Variants in PDE4D observed in about 807,000 individuals in gnomAD.
PDE4D encodes the protein 3',5'-cyclic-AMP phosphodiesterase 4D.
Under a neutral mutation model 87.4 loss-of-function variants are expected in PDE4D, and 24 were observed. The ratio of observed to expected loss-of-function variants is 0.27; its 90% CI spans 0.20 to 0.39. The LOEUF (loss-of-function observed/expected upper bound fraction) is 0.39. Ranked by LOEUF, PDE4D falls within the 10% of genes least tolerant of loss-of-function variation. The pLI is 1.00. For missense variants in PDE4D, 714 were observed against 1,041.0 expected, an observed-to-expected ratio of 0.69 and a Z score of 4.32; for synonymous variants, 384 against 383.2, an observed-to-expected ratio of 1.00 and a Z score of -0.02.
intron 2 of PDE4D, among the ~76,000 whole-genome samples, chr5:60,106,369 T>A (rs917041214): frequency 2.0e-5 from 3 of 150,870 alleles, no homozygotes; most frequent in Non-Finnish European, 3.0e-5. Context: ...AAGTCCTGAG[T>A]GACCTACAAA....
chr5:59,636,724 C>A (rs1580053316), intron 1 of PDE4D, among the ~76,000 whole-genome samples: 2 of 152,134 alleles, frequency 1.3e-5, no homozygotes, highest in East Asian at 1.9e-4. Flanking sequence ...AAACTGGACC[C>A]CTTCCTTACA....
Position 59,729,627 on chromosome 5 carries a change from T to C in PDE4D, c.455+163541A>G, listed in dbSNP as rs549682234. On this transcript the variant is annotated intron_variant, in intron 1 of 14. Coordinates refer to ENST00000340635, the MANE Select transcript of PDE4D (RefSeq NM_001104631.2). ...ACCACTAATACAGTGACTTGAGTATTTTTTTTTCACTTAGTATATTTTAAC... is the reference window on the plus strand; with the variant it reads ...ACCACTAATACAGTGACTTGAGTATCTTTTTTTCACTTAGTATATTTTAAC... 1.7e-3 allele frequency among the ~76,000 whole-genome samples: 265 copies of C among 151,808 alleles called. 1 individual carries two copies. Among genetic ancestry groups the C allele is most frequent in the African/African-American group, 5.7e-3 (238 of 41,412 alleles).
chr5:59,407,163 T>A (rs894254690), intron 1 of PDE4D, among the ~76,000 whole-genome samples: 3 of 152,138 alleles, frequency 2.0e-5, no homozygotes, highest in African/African-American at 7.2e-5. Context: ...TGGGAGTGGT[T>A]CCCTTATAGC....
chr5:59,751,574 G>GGGGTGT (rs112024458), intron 1 of PDE4D, among the ~76,000 whole-genome samples: 1 of 142,630 alleles, frequency 7.0e-6, no homozygotes, highest in Non-Finnish European at 1.5e-5. Flanking sequence ...ATAAATCCCT[G>GGGGTGT]GTGTGTGTGT....
chr5:59,778,134 G>A (rs1006254619), intron 1 of PDE4D, among the ~76,000 whole-genome samples: 9 of 152,112 alleles, frequency 5.9e-5, no homozygotes, highest in East Asian at 3.8e-4. Context: ...TGTGTATCTG[G>A]GGATACAAGA....
intron 6 of PDE4D, among the ~76,000 whole-genome samples, chr5:59,021,462 C>G (rs192059126): frequency 3.9e-5 from 6 of 152,286 alleles, no homozygotes; most frequent in East Asian, 1.9e-4. Context: ...CACTGGGTTA[C>G]TTATATGGCA....
intron 1 of PDE4D, among the ~76,000 whole-genome samples, chr5:59,527,213 T>C (rs531863871): frequency 2.3e-4 from 35 of 152,180 alleles, no homozygotes; most frequent in Non-Finnish European, 1.6e-4. Context: ...TTTCTGAGTA[T>C]AAGCTTATAT....
intron 1 of PDE4D, among the ~76,000 whole-genome samples, chr5:60,309,752 A>T (rs1249672832): frequency 6.6e-6 from 1 of 152,208 alleles, no homozygotes; most frequent in East Asian, 1.9e-4. Context: ...ATGGCACAAC[A>T]TCAATGCCAT....
intron 5 of PDE4D, among the ~76,000 whole-genome samples, chr5:59,174,094 AT>A (rs1783445715): frequency 6.6e-6 from 1 of 152,248 alleles, no homozygotes; most frequent in South Asian, 2.1e-4. Context: ...TAACAAAAAA[AT>A]AATTGTCCCA....
At chr5:59,586,078 C>A (rs572885173) in intron 1 of PDE4D, among the ~76,000 whole-genome samples, 2 of 152,156 alleles carry the variant, frequency 1.3e-5, no homozygotes, top group Non-Finnish European at 2.9e-5. Flanking sequence ...TTTTTTTCTT[C>A]CTCCATGAAA....
At chr5:59,612,409 C>T (rs1380693062) in intron 1 of PDE4D, among the ~76,000 whole-genome samples, 1 of 151,870 alleles carries the variant, frequency 6.6e-6, no homozygotes, top group Non-Finnish European at 1.5e-5. Context: ...TTTATATAGC[C>T]TGCTTCTACC....
chr5:60,356,467 A>G (rs2149941330), intron 1 of PDE4D, among the ~76,000 whole-genome samples: 1 of 152,314 alleles, frequency 6.6e-6, no homozygotes, highest in Admixed American at 6.5e-5. Context: ...TCCAGATAGT[A>G]ATATTACTAT....
chr5:59,582,127 A>G (rs1583211965), intron 1 of PDE4D, among the ~76,000 whole-genome samples: 1 of 152,274 alleles, frequency 6.6e-6, no homozygotes, highest in East Asian at 1.9e-4. Flanking sequence ...AGAGGAAGAG[A>G]TGTTAAAGAA....
intron 1 of PDE4D, among the ~76,000 whole-genome samples, chr5:59,724,732 A>G (rs1227192542): frequency 6.6e-6 from 1 of 152,102 alleles, no homozygotes; most frequent in East Asian, 1.9e-4. Flanking sequence ...CATAGGGCAT[A>G]TAATGTCAGG....
At chr5:60,038,106 T>C (rs1768017087) in intron 2 of PDE4D, among the ~76,000 whole-genome samples, 2 of 152,220 alleles carry the variant, frequency 1.3e-5, no homozygotes, top group Admixed American at 6.5e-5. Flanking sequence ...TTTCTTTTGC[T>C]GTGCAGAAGC....
chr5:60,086,910 T>C (rs1050954226), intron 2 of PDE4D, among the ~76,000 whole-genome samples: 1 of 152,222 alleles, frequency 6.6e-6, no homozygotes, highest in East Asian at 1.9e-4. Flanking sequence ...GATGATGCCA[T>C]AGTGCTGCAA....
chr5:59,205,653 AACACACAC>A (rs35509503), intron 2 of PDE4D, among the ~76,000 whole-genome samples: 4,382 of 136,336 alleles, frequency 0.032, 107 homozygotes, highest in African/African-American at 0.066. Context: ...CCACTAGCTA[AACACACAC>A]ACACACACAC....
chr5:59,515,006 T>C (rs927122400), intron 1 of PDE4D, among the ~76,000 whole-genome samples: 1 of 152,214 alleles, frequency 6.6e-6, no homozygotes, highest in Non-Finnish European at 1.5e-5. Flanking sequence ...TATATGTGTA[T>C]GTATATTTGT....
At chr5:59,142,492 A>C (rs1778033609) in intron 5 of PDE4D, among the ~76,000 whole-genome samples, 2 of 152,226 alleles carry the variant, frequency 1.3e-5, no homozygotes, top group South Asian at 2.1e-4. Flanking sequence ...ATACAGTTTT[A>C]TTCTGGAAAA....
Sources: allele counts gnomAD v4.1 joint callset (sites outside exome capture counted in the v4.1 genomes callset), GRCh38; gene constraint gnomAD v4.1.1; transcripts MANE v1.5; gene names NCBI Gene and HGNC (gene_info 2026-07-23, HGNC 2026-07-21).